The following CCDC57 variants were observed in gnomAD, a reference collection of about 807,000 sequenced individuals.
CCDC57 encodes the protein coiled-coil domain containing 57.
In CCDC57, 118 loss-of-function variants were observed where a neutral mutation model predicts 118.9. The observed-to-expected ratio is 0.99, with a 90% CI of 0.86 to 1.16. CCDC57 has a LOEUF of 1.16. CCDC57 is among the 50% of genes most tolerant of loss of function. The probability of loss-of-function intolerance (pLI) is 0.00; values close to 1 mark genes in which losing one functional copy is unlikely to be tolerated. For missense variants in CCDC57, 1,300 were observed against 1,320.7 expected, an observed-to-expected ratio of 0.98 and a Z score of 0.24; for synonymous variants, 527 against 532.9, an observed-to-expected ratio of 0.99 and a Z score of 0.15.
At chr17:82,170,750 G>A (rs2044597574) in intron 13 of CCDC57, among the ~76,000 whole-genome samples, 1 of 152,186 alleles carries the variant, frequency 6.6e-6, no homozygotes, top group African/African-American at 2.4e-5. Flanking sequence ...TTGAGTTACG[G>A]CAGCCCTAGC....
Position 82,201,590 on chromosome 17 carries a change from G to A in CCDC57, c.355C>T (p.Gln119Ter). ...TGCTCCTGGAATGCCAGCTGCTGCTGCTGCTGCAGCTCCTCCACCTTCCTG... is the reference window on the plus strand; with the variant it reads ...TGCTCCTGGAATGCCAGCTGCTGCTACTGCTGCAGCTCCTCCACCTTCCTG... Residue 119 changes from glutamine to a stop codon, truncating the protein, a stop_gained, in exon 3 of 20, where the codon CAG (glutamine) becomes TAG (stop). Coordinates refer to ENST00000665763, the Ensembl canonical transcript of CCDC57. LOFTEE classifies it high-confidence loss of function. 3 of 1,612,770 alleles carry A rather than the reference G, an allele frequency of 1.9e-6. No homozygotes were observed. Among genetic ancestry groups the A allele is most frequent in the South Asian group, 1.1e-5 (1 of 91,072 alleles).
At chr17:82,129,323 C>T (rs1190912991) in intron 17 of CCDC57, among the ~76,000 whole-genome samples, 1 of 152,076 alleles carries the variant, frequency 6.6e-6, no homozygotes, top group Admixed American at 6.5e-5. Flanking sequence ...AAAGGGGGCA[C>T]TAGGGAGCAA....
chr17:82,102,102 C>T (rs1041363646), intron 19 of CCDC57, among the ~76,000 whole-genome samples: 5 of 152,192 alleles, frequency 3.3e-5, no homozygotes, highest in Non-Finnish European at 5.9e-5. Flanking sequence ...TGGGCCTGCC[C>T]CTCCACTGGG....
chr17:82,141,945 C>G (rs2040069623), intron 16 of CCDC57, among the ~76,000 whole-genome samples: 1 of 152,202 alleles, frequency 6.6e-6, no homozygotes, highest in Admixed American at 6.5e-5. Flanking sequence ...GATTTTACCA[C>G]TGATAGGCAT....
rs560666547 is a variant in CCDC57 at position 82,163,460 on chromosome 17, T to C, written c.1883-103A>G. 197 of 1,416,244 alleles carry C rather than the reference T, an allele frequency of 1.4e-4. No homozygotes were observed. The African/African-American group carries it at 2.0e-3, about 15-fold the overall frequency. 87.7% of individuals were successfully genotyped at this position (1,416,244 alleles called of 1,614,324 possible). A position where few individuals can be genotyped will look rare whatever the true frequency, so the allele number is the denominator to read the frequency against. ...CAGCTCTCCCTTTCCCGTGAGGCCATGGCACCAGCGGCTGACCCCAATGCG... is the reference window on the plus strand; with the variant it reads ...CAGCTCTCCCTTTCCCGTGAGGCCACGGCACCAGCGGCTGACCCCAATGCG... On this transcript the variant is annotated intron_variant, in intron 13 of 19. Coordinates refer to ENST00000665763, the Ensembl canonical transcript of CCDC57.
chr17:82,117,743 C>CAACAAACA (rs146575771), intron 19 of CCDC57, among the ~76,000 whole-genome samples: 39,451 of 151,094 alleles, frequency 0.26, 5,666 homozygotes, highest in African/African-American at 0.38. Flanking sequence ...TCAGATTGGC[C>CAACAAACA]AACAAACAAA....
chr17:82,180,666 G>A (rs536722909), intron 9 of CCDC57, among the ~76,000 whole-genome samples: 7 of 152,180 alleles, frequency 4.6e-5, no homozygotes, highest in South Asian at 2.1e-4. Context: ...TAGTAGAGAC[G>A]GGGTTTCACC....
chr17:82,147,788 A>G (rs1295588428), intron 16 of CCDC57, among the ~76,000 whole-genome samples: 4 of 44,190 alleles, frequency 9.1e-5, no homozygotes, highest in Admixed American at 3.2e-4. Flanking sequence ...GGATAGATGG[A>G]TGGGTGGGTG....
chr17:82,125,420 G>T (rs551146736), intron 19 of CCDC57, among the ~76,000 whole-genome samples: 1 of 150,786 alleles, frequency 6.6e-6, no homozygotes, highest in African/African-American at 2.4e-5. Context: ...CCGTCACCCA[G>T]ACTGGAGTGC....
intron 16 of CCDC57, among the ~76,000 whole-genome samples, chr17:82,139,475 C>T (rs921706288): frequency 6.6e-6 from 1 of 152,172 alleles, no homozygotes; most frequent in African/African-American, 2.4e-5. Context: ...CGTGCCTCAG[C>T]CTTTCGAGTA....
intron 19 of CCDC57, chr17:82,112,119 A>T (rs981414799): frequency 3.3e-5 from 5 of 151,772 alleles, no homozygotes; most frequent in African/African-American, 1.2e-4. Context: ...GATTACAGGC[A>T]TGCACCACCA....
At position 82,127,678 on chromosome 17, in the gene CCDC57, G is replaced by A. The variant is rs1339603464; in HGVS notation, c.2899+14C>T. On this transcript the variant is annotated intron_variant, in intron 19 of 19. Coordinates refer to ENST00000665763, the Ensembl canonical transcript of CCDC57. ...GCCAGCTGTGGGCAGCTCCTGGGGA[G>A]GGCAGTCTCCTACCTGGAGTTGAGT... 1 of 1,585,752 alleles carries A rather than the reference G, an allele frequency of 6.3e-7. No homozygotes were observed. The highest frequency in any genetic ancestry group is 1.3e-5 in the African/African-American group (1 of 74,280).
At position 82,151,544 on chromosome 17, in the gene CCDC57, C is replaced by T. The variant is rs2042074062; in HGVS notation, c.2455+16G>A. 2.6e-6 allele frequency: 4 copies of T among 1,549,578 alleles called. No individual in the cohort carries two copies. The highest frequency in any genetic ancestry group is 1.4e-5 in the African/African-American group (1 of 73,064). ...TGACCCACACTCAGGCCATGGCCTC[C>T]ACTTCCCGGACTCACTTTCGGGTCG... On this transcript the variant is annotated intron_variant, in intron 16 of 19. Coordinates refer to ENST00000665763, the Ensembl canonical transcript of CCDC57.
chr17:82,179,399 G>A (rs568710929), intron 9 of CCDC57, among the ~76,000 whole-genome samples: 17 of 152,344 alleles, frequency 1.1e-4, no homozygotes, highest in East Asian at 5.8e-4. Flanking sequence ...CCCAGATGCC[G>A]GAGAAAACCC....
chr17:82,134,690 A>G (rs1187973241), intron 16 of CCDC57, among the ~76,000 whole-genome samples: 1 of 152,082 alleles, frequency 6.6e-6, no homozygotes, highest in Non-Finnish European at 1.5e-5. Context: ...GCTACTCGGG[A>G]GGCTGAGGCA....
chr17:82,118,768 C>A lies in CCDC57; in HGVS notation c.2899+8924G>T, dbSNP rs2036255462. On this transcript the variant is annotated intron_variant, in intron 19 of 19. Coordinates refer to ENST00000665763, the Ensembl canonical transcript of CCDC57. This position sits in a 1 kb window ranked among gnomAD's most constrained non-coding sequence, Gnocchi z 4.7. ...ATGTACGCTGACTTTTGTTGTGCTGCTGAAGAATATCTTTCCAGTTTGATG... is the reference window on the plus strand; with the variant it reads ...ATGTACGCTGACTTTTGTTGTGCTGATGAAGAATATCTTTCCAGTTTGATG... Among the ~76,000 whole-genome samples, 1 of 152,084 alleles carries A rather than the reference C, an allele frequency of 6.6e-6. No homozygotes were observed. The highest frequency in any genetic ancestry group is 1.5e-5 in the Non-Finnish European group (1 of 68,018).
chr17:82,104,624 C>T (rs1418424877), intron 19 of CCDC57, among the ~76,000 whole-genome samples: 5 of 152,202 alleles, frequency 3.3e-5, no homozygotes, highest in East Asian at 1.9e-4. Flanking sequence ...CTGCAAGCTC[C>T]GCCTCCCGGG....
At chr17:82,163,714 T>C (rs2043632480) in intron 13 of CCDC57, among the ~76,000 whole-genome samples, 1 of 146,722 alleles carries the variant, frequency 6.8e-6, no homozygotes, top group Non-Finnish European at 1.5e-5. Flanking sequence ...AAGAAAAAAA[T>C]CACAATGGAC....
At chr17:82,146,608 G>C (rs913458617) in intron 16 of CCDC57, among the ~76,000 whole-genome samples, 7 of 152,178 alleles carry the variant, frequency 4.6e-5, no homozygotes, top group Non-Finnish European at 1.0e-4. Context: ...GGTATGTTTG[G>C]TATAATCAAA....
Sources: allele counts gnomAD v4.1 joint callset (sites outside exome capture counted in the v4.1 genomes callset), GRCh38; gene constraint gnomAD v4.1.1; non-coding constraint Gnocchi (gnomAD v3.1); transcripts MANE v1.5; gene names NCBI Gene and HGNC (gene_info 2026-07-23, HGNC 2026-07-21).